The following GSAP variants were observed in gnomAD, a reference collection of about 807,000 sequenced individuals.
GSAP encodes gamma-secretase-activating protein.
Under a neutral mutation model 131.7 loss-of-function variants are expected in GSAP, and 118 were observed. That is an observed-to-expected ratio of 0.90 (90% confidence interval 0.77 to 1.04). The LOEUF is 1.04. GSAP is among the 50% of genes least tolerant of loss of function. The pLI is 0.00. For missense variants in GSAP, 1,019 were observed against 1,013.2 expected (o/e 1.01, Z -0.08); for synonymous variants, 381 against 363.4 (o/e 1.05, Z -0.55).
intron 1 of GSAP, among the ~76,000 whole-genome samples, chr7:77,407,727 A>T (rs534338329): frequency 6.6e-6 from 1 of 152,216 alleles, no homozygotes; most frequent in East Asian, 1.9e-4. Flanking sequence ...ATATCTAGTG[A>T]AGCTGAACAC....
intron 16 of GSAP, 178 bp from the exon 17 acceptor site, chr7:77,353,819 CGGTAT>C: frequency 2.1e-6 from 1 of 481,804 alleles, no homozygotes; most frequent in Non-Finnish European, 3.7e-6. Flanking sequence ...GTAGGTAAAA[CGGTAT>C]TTTATAAGTG....
intron 19 of GSAP, chr7:77,330,647 C>G: frequency 9.7e-7 from 1 of 1,033,090 alleles, no homozygotes; most frequent in Non-Finnish European, 1.2e-6. Context: ...CCAAAACCAA[C>G]AGGACTTCCC....
In GSAP at chr7:77,355,714, T is replaced by C. The variant is rs116384489; in HGVS notation, c.1028-67A>G. On this transcript the variant is annotated intron_variant, in intron 14 of 30. Coordinates refer to ENST00000257626, the MANE Select transcript of GSAP (RefSeq NM_017439.4). The stretch of plus-strand genomic sequence containing the variant: ...GCTGCACAGGTACAGAATGTCACAT[T>C]ATCCCTGCTTGTCTCTGAATATCTC... The C allele has an allele frequency of 1.7e-3, 1,573 of 898,868 alleles. 23 individuals carry two copies. The African/African-American group carries it at 0.023, about 13-fold the overall frequency. The allele number at this position is 898,868 out of a possible 1,614,324, so 55.7% of individuals were successfully genotyped here.
At chr7:77,331,693 C>G (rs1027664829) in intron 19 of GSAP, 1 of 152,078 alleles carries the variant, frequency 6.6e-6, no homozygotes, top group Admixed American at 6.5e-5. Flanking sequence ...CTTTCAGAAG[C>G]CTGAAATGCC....
intron 14 of GSAP, among the ~76,000 whole-genome samples, chr7:77,356,877 T>C (rs990427997): frequency 1.3e-5 from 2 of 152,212 alleles, no homozygotes; most frequent in African/African-American, 2.4e-5. Flanking sequence ...GGGAAGAGGA[T>C]ATAGAACTCA....
At chr7:77,402,985 T>C (rs1371002365) in intron 3 of GSAP, among the ~76,000 whole-genome samples, 4 of 152,150 alleles carry the variant, frequency 2.6e-5, no homozygotes, top group African/African-American at 9.7e-5. Context: ...TCACAGGCAG[T>C]AAGCTAAAGG....
At chr7:77,336,314 A>C (rs191463431) in intron 19 of GSAP, among the ~76,000 whole-genome samples, 1 of 152,254 alleles carries the variant, frequency 6.6e-6, no homozygotes, top group Non-Finnish European at 1.5e-5. Context: ...CCTGTCCCCA[A>C]CCAAAACTAT....
chr7:77,394,955 A>G (rs1583835000), intron 5 of GSAP, among the ~76,000 whole-genome samples: 1 of 152,336 alleles, frequency 6.6e-6, no homozygotes, highest in African/African-American at 2.4e-5. Context: ...ATCCAACACA[A>G]TAACCAATAA....
At position 77,311,370 on chromosome 7, in the gene GSAP, A is replaced by G. The variant is rs762098427; in HGVS notation, c.2553T>C (p.Leu851=). The stretch of plus-strand genomic sequence containing the variant: ...TGCGTTTTCTTTTTCATAAGCCTAA[A>G]AGCATCGCGGTGTGTTTCAGAGCTG... ...EEAALKHTAM[L]LGL is the part of the protein sequence containing the mutation. Residue 851 remains leucine, a synonymous_variant, in exon 31 of 31, where the codon CTT becomes CTC. Coordinates refer to ENST00000257626, the MANE Select transcript of GSAP (RefSeq NM_017439.4). 4 of 1,603,878 alleles carry G rather than the reference A, an allele frequency of 2.5e-6. No individual in the cohort carries two copies. Among genetic ancestry groups the G allele is most frequent in the Non-Finnish European group, 2.6e-6 (3 of 1,170,730 alleles).
chr7:77,353,048 C>A (rs111608860), intron 17 of GSAP, 22 bp from the exon 18 acceptor site: 6 of 1,350,760 alleles, frequency 4.4e-6, no homozygotes, highest in Admixed American at 3.4e-5. Context: ...TTTTTTGAAA[C>A]AGGGGGAAAA....
chr7:77,329,786 C>CT (rs57210179), intron 20 of GSAP: 22,932 of 161,048 alleles, frequency 0.14, 2,113 homozygotes, highest in East Asian at 0.43. Flanking sequence ...ATTCATGTCC[C>CT]ACAATGTACC....
chr7:77,402,616 A>AAAAAAAAT lies in GSAP; in HGVS notation c.243+1942_243+1943insATTTTTTT, dbSNP rs375595494. On this transcript the variant is annotated intron_variant, in intron 3 of 30. Transcript: ENST00000257626. ...CTCAAAAAAAAAAAAAAAAAAAAAA[A>AAAAAAAAT]GAATTTTAAAGCCCATCTAGATTTG... Among the ~76,000 whole-genome samples, 228 of 80,416 alleles carry AAAAAAAAT rather than the reference A, an allele frequency of 2.8e-3. 24 individuals are homozygous for AAAAAAAAT. The highest frequency in any genetic ancestry group is 3.9e-3 in the South Asian group (9 of 2,308). The allele number at this position is 80,416 out of a possible 152,430, so 52.8% of individuals were successfully genotyped here.
intron 5 of GSAP, among the ~76,000 whole-genome samples, chr7:77,396,542 C>G (rs1261486942): frequency 6.6e-6 from 1 of 152,126 alleles, no homozygotes; most frequent in Admixed American, 6.5e-5. Flanking sequence ...CAGGGAGCAT[C>G]ACATAGCTAC....
At chr7:77,370,462 T>A (rs1795957943) in intron 12 of GSAP, among the ~76,000 whole-genome samples, 1 of 151,836 alleles carries the variant, frequency 6.6e-6, no homozygotes, top group South Asian at 2.1e-4. Context: ...CAGGACTCCA[T>A]CTCATTCATA....
Position 77,416,292 on chromosome 7 carries a change from G to A in GSAP, c.30C>T (p.Asp10=). The A allele has an allele frequency of 1.3e-6, 2 of 1,496,962 alleles. No homozygotes were observed. The highest frequency in any genetic ancestry group is 1.8e-6 in the Non-Finnish European group (2 of 1,124,872). 92.7% of individuals were successfully genotyped at this position (1,496,962 alleles called of 1,614,324 possible). The change falls in exon 1 of 31, where the codon GAC becomes GAT. Residue 10 remains aspartate, a synonymous_variant. Coordinates refer to ENST00000257626, the MANE Select transcript of GSAP (RefSeq NM_017439.4). ...ACCACGGGAGCACGTCCTTCCCGAG[G>A]TCGAAGTCGGCGACCAGGCGAAGAG... MALRLVADF[D]LGKDVLPWLR... is the part of the protein sequence containing the mutation.
chr7:77,322,592 T>G (rs925831295), intron 24 of GSAP, among the ~76,000 whole-genome samples: 2 of 135,482 alleles, frequency 1.5e-5, no homozygotes, highest in African/African-American at 2.7e-5. Flanking sequence ...GTTTTTTTTT[T>G]TTTTTTTTTT....
intron 22 of GSAP, 49 bp downstream of exon 22, chr7:77,328,556 AC>A (rs777328796): frequency 6.3e-7 from 1 of 1,594,504 alleles, no homozygotes; most frequent in Non-Finnish European, 8.5e-7. Context: ...AGTGCTACAA[AC>A]AAAACACTGA....
intron 5 of GSAP, among the ~76,000 whole-genome samples, chr7:77,391,142 AAAAAAG>A (rs1197208806): frequency 7.0e-4 from 97 of 139,508 alleles, no homozygotes; most frequent in African/African-American, 2.4e-3. Flanking sequence ...AAAAAAAAAA[AAAAAAG>A]AAAAAGAAAA....
chr7:77,405,212 C>T (rs562233446), intron 2 of GSAP, among the ~76,000 whole-genome samples: 3 of 152,210 alleles, frequency 2.0e-5, no homozygotes. Context: ...GCTCAAGGAA[C>T]CTACTTGAGC....
Sources: gnomAD v4.1 joint callset for allele counts (sites outside exome capture counted in the v4.1 genomes callset) on GRCh38, gnomAD v4.1.1 for gene constraint, MANE v1.5 for transcripts, NCBI Gene and HGNC (gene_info 2026-07-23, HGNC 2026-07-21) for gene names.